Variants in STK32B observed in about 807,000 individuals in gnomAD.
The protein encoded by STK32B is serine/threonine kinase 32B, also known as serine/threonine-protein kinase 32B.
Under a neutral mutation model 52.6 loss-of-function variants are expected in STK32B, and 43 were observed. The observed-to-expected ratio is 0.82, with a 90% CI of 0.64 to 1.05. The LOEUF (loss-of-function observed/expected upper bound fraction) is 1.05. Ranked by LOEUF, STK32B falls within the 50% of genes least tolerant of loss-of-function variation. The pLI, the probability that STK32B is intolerant of heterozygous loss-of-function variation, is 0.00. For missense variants in STK32B, 621 were observed against 534.6 expected, an observed-to-expected ratio of 1.16 and a Z score of -1.59; for synonymous variants, 238 against 204.3, an observed-to-expected ratio of 1.17 and a Z score of -1.41.
chr4:5,250,364 G>C (rs1725832215), intron 3 of STK32B, among the ~76,000 whole-genome samples: 2 of 146,692 alleles, frequency 1.4e-5, no homozygotes, highest in Admixed American at 6.9e-5. Flanking sequence ...CCAGGCTGGA[G>C]TGCACTGATG....
intron 3 of STK32B, among the ~76,000 whole-genome samples, chr4:5,231,956 A>G (rs1040831523): frequency 1.3e-5 from 2 of 152,230 alleles, no homozygotes; most frequent in Admixed American, 6.5e-5. Flanking sequence ...AAAGGATCCC[A>G]TAATGAATGG....
chr4:5,449,155 A>G (rs1715745913), intron 7 of STK32B, among the ~76,000 whole-genome samples: 1 of 152,208 alleles, frequency 6.6e-6, no homozygotes, highest in Admixed American at 6.5e-5. Flanking sequence ...AGCCTTGCCA[A>G]TATGGTGAAA....
intron 5 of STK32B, among the ~76,000 whole-genome samples, chr4:5,404,416 G>T (rs1326734916): frequency 6.6e-6 from 1 of 152,066 alleles, no homozygotes; most frequent in East Asian, 1.9e-4. Context: ...TTGGGGCCCA[G>T]CCCATTTCAA....
chr4:5,470,979 G>C lies in STK32B; in HGVS notation c.1106+2909G>C, dbSNP rs1462946796. Among the ~76,000 whole-genome samples, 1 of 152,222 alleles carries C rather than the reference G, an allele frequency of 6.6e-6. No homozygotes were observed. Among genetic ancestry groups the C allele is most frequent in the African/African-American group, 2.4e-5 (1 of 41,478 alleles). On this transcript the variant is annotated intron_variant, in intron 11 of 11. Transcript: ENST00000282908. The surrounding 1 kb of genome is among the most constrained non-coding windows in gnomAD (Gnocchi z 4.6). ...GCCTGGACCACGTCCCCGGTCCCCA[G>C]CAGTTCCGCCTCCTTTCAATCTCTG...
Position 5,499,072 on chromosome 4 carries a change from TGCA to T in STK32B, c.1240_1242del (p.Ser414del). The T allele has an allele frequency of 1.2e-6, 2 of 1,610,330 alleles. No homozygotes were observed. Among genetic ancestry groups the T allele is most frequent in the Non-Finnish European group, 1.7e-6 (2 of 1,177,910 alleles). On this transcript the variant is annotated inframe_deletion, in exon 12 of 12. Coordinates refer to ENST00000282908, the MANE Select transcript of STK32B (RefSeq NM_018401.3). ...CCTCACCCACACCTGCACCCGTGGC[TGCA>T]GCAGCTGAGCCCACACTTGTTGCTG... is the stretch of plus-strand genomic sequence containing the variant.
At chr4:5,343,035 G>T (rs952642954) in intron 4 of STK32B, among the ~76,000 whole-genome samples, 1 of 151,722 alleles carries the variant, frequency 6.6e-6, no homozygotes, top group South Asian at 2.1e-4. Context: ...GTGCCATGTT[G>T]GTGTGCTGCA....
At chr4:5,113,403 G>C (rs1456439895) in intron 1 of STK32B, among the ~76,000 whole-genome samples, 2 of 152,148 alleles carry the variant, frequency 1.3e-5, no homozygotes, top group Non-Finnish European at 2.9e-5. Context: ...TGTTATAGCA[G>C]TGCAAATAGA....
chr4:5,185,131 G>C (rs1175462889), intron 3 of STK32B, among the ~76,000 whole-genome samples: 3 of 152,256 alleles, frequency 2.0e-5, no homozygotes, highest in Non-Finnish European at 4.4e-5. Context: ...TAATGGGTCA[G>C]TAGTTCATTC....
At chr4:5,485,454 C>A (rs1477519953) in intron 11 of STK32B, among the ~76,000 whole-genome samples, 1 of 152,110 alleles carries the variant, frequency 6.6e-6, no homozygotes, top group Non-Finnish European at 1.5e-5. Flanking sequence ...CCTTTAAGGA[C>A]TTCTCTGTAT....
intron 3 of STK32B, among the ~76,000 whole-genome samples, chr4:5,312,981 CTT>C (rs1730408658): frequency 1.3e-5 from 2 of 151,944 alleles, no homozygotes. Context: ...TTTTATGAAA[CTT>C]GTATTATCCT....
At chr4:5,402,538 T>C (rs1737367208) in intron 5 of STK32B, among the ~76,000 whole-genome samples, 3 of 152,222 alleles carry the variant, frequency 2.0e-5, no homozygotes, top group South Asian at 4.1e-4. Flanking sequence ...TGGCCAGGCA[T>C]TGTGTCCAGT....
chr4:5,371,256 C>T (rs1408114564), intron 4 of STK32B, among the ~76,000 whole-genome samples: 1 of 151,946 alleles, frequency 6.6e-6, no homozygotes, highest in African/African-American at 2.4e-5. Context: ...AGGTAGGGAG[C>T]TTCTTGATAA....
In STK32B at chr4:5,228,496, C is replaced by T. The variant is rs188855752; in HGVS notation, c.260+60046C>T. Among the ~76,000 whole-genome samples, 682 of 152,238 alleles carry T rather than the reference C, an allele frequency of 4.5e-3. 6 individuals are homozygous for T. The highest frequency in any genetic ancestry group is 0.024 in the Middle Eastern group (7 of 294). The stretch of plus-strand genomic sequence containing the variant: ...CCTGAATATGCTTCAGTGGCTTCTT[C>T]ATTTATAGTTTGAAAAGCTGCAATA... On this transcript the variant is annotated intron_variant, in intron 3 of 11. Coordinates refer to ENST00000282908, the MANE Select transcript of STK32B (RefSeq NM_018401.3).
At position 5,248,931 on chromosome 4, in the gene STK32B, G is replaced by C. The variant is rs188868598; in HGVS notation, c.260+80481G>C. Among the ~76,000 whole-genome samples, 301 of 149,014 alleles carry C rather than the reference G, an allele frequency of 2.0e-3. 2 individuals are homozygous for C. Among genetic ancestry groups the C allele is most frequent in the African/African-American group, 7.2e-3 (285 of 39,498 alleles). ...CACACACTGGGGACTGTTGTGGGGT[G>C]GGGGGAGAGGGGAGGAGGGATAGCA... is the stretch of plus-strand genomic sequence containing the variant. On this transcript the variant is annotated intron_variant, in intron 3 of 11. Coordinates refer to ENST00000282908, the MANE Select transcript of STK32B (RefSeq NM_018401.3).
chr4:5,272,228 T>C (rs1204935933), intron 3 of STK32B, among the ~76,000 whole-genome samples: 1 of 145,830 alleles, frequency 6.9e-6, no homozygotes, highest in Admixed American at 6.8e-5. Flanking sequence ...TTGTTGAATT[T>C]TGTCAAAGGC....
intron 3 of STK32B, among the ~76,000 whole-genome samples, chr4:5,190,969 A>C (rs987985598): frequency 1.3e-5 from 2 of 152,204 alleles, no homozygotes; most frequent in African/African-American, 4.8e-5. Flanking sequence ...CTACAACGTA[A>C]CACTGCCTGC....
At chr4:5,347,798 C>T (rs1733564734) in intron 4 of STK32B, among the ~76,000 whole-genome samples, 1 of 152,192 alleles carries the variant, frequency 6.6e-6, no homozygotes, top group South Asian at 2.1e-4. Flanking sequence ...TGCTCTCTTT[C>T]TCCTGTTCTG....
At chr4:5,037,407 C>T in the STK32B span, among the ~76,000 whole-genome samples, 1 of 152,154 alleles carries the variant, frequency 6.6e-6, no homozygotes, top group Non-Finnish European at 1.5e-5. Flanking sequence ...CCCCACTTTA[C>T]AAATGAAGAA....
intron 6 of STK32B, among the ~76,000 whole-genome samples, chr4:5,421,053 C>T (rs1354313098): frequency 1.3e-5 from 2 of 151,084 alleles, no homozygotes; most frequent in Non-Finnish European, 2.9e-5. Context: ...GCACATGCCA[C>T]CATGCCTGGC....
Sources: gnomAD v4.1 joint callset for allele counts (sites outside exome capture counted in the v4.1 genomes callset) on GRCh38, gnomAD v4.1.1 for gene constraint, Gnocchi (gnomAD v3.1) non-coding constraint, MANE v1.5 for transcripts, NCBI Gene and HGNC (gene_info 2026-07-23, HGNC 2026-07-21) for gene names.